Variants in WDR89 observed in about 807,000 individuals in gnomAD.
The protein encoded by WDR89 is WD repeat-containing protein 89.
A neutral mutation model predicts 29.1 loss-of-function variants in WDR89; 17 were observed. The observed-to-expected ratio is 0.58, with a 90% CI of 0.40 to 0.88. The LOEUF (loss-of-function observed/expected upper bound fraction) is 0.88. WDR89 is among the 40% of genes least tolerant of loss of function. WDR89 has a pLI of 0.00. For synonymous variants in WDR89, 138 were observed against 157.8 expected, an observed-to-expected ratio of 0.87 and a Z score of 0.94; for missense variants, 396 against 456.3, an observed-to-expected ratio of 0.87 and a Z score of 1.20.
chr14:63,599,837 G>A lies in WDR89; in HGVS notation c.106C>T (p.Gln36Ter), dbSNP rs749824511. 5.0e-6 allele frequency: 8 copies of A among 1,613,902 alleles called. No individual in the cohort carries two copies. Among genetic ancestry groups the A allele is most frequent in the African/African-American group, 4.0e-5 (3 of 74,866 alleles). Residue 36 changes from glutamine (Q) to a stop codon, truncating the protein, a stop_gained, in exon 3 of 3, where the codon CAA becomes TAA. Transcript: ENST00000620954. LOFTEE classifies it high-confidence loss of function. ...GCAACCAAGTTTTCCTTTCCTGCTT[G>A]GACAGTCTTTGATGTGTCTATACCA... ...LLGIDTSKTV[Q>*]AGKENLVAVL...
chr14:63,628,558 G>T (rs970917067), intron 1 of WDR89, among the ~76,000 whole-genome samples: 2 of 152,196 alleles, frequency 1.3e-5, no homozygotes, highest in Non-Finnish European at 2.9e-5. Context: ...CCCTAGAGAT[G>T]TAACATTTGG....
At chr14:63,626,676 CAAAAAAAAAA>C (rs35582220) in intron 1 of WDR89, among the ~76,000 whole-genome samples, 15 of 34,584 alleles carry the variant, frequency 4.3e-4, no homozygotes, top group East Asian at 1.5e-3. Context: ...GAGACTGTCT[CAAAAAAAAAA>C]AAAAAAAAAA....
At chr14:63,623,975 A>G (rs1882875660) in intron 2 of WDR89, among the ~76,000 whole-genome samples, 1 of 152,142 alleles carries the variant, frequency 6.6e-6, no homozygotes, top group African/African-American at 2.4e-5. Flanking sequence ...GACAAATGAG[A>G]AGTCAGAACA....
intron 1 of WDR89, among the ~76,000 whole-genome samples, chr14:63,626,924 G>C (rs1436517856): frequency 2.0e-5 from 3 of 151,840 alleles, no homozygotes; most frequent in African/African-American, 7.3e-5. Flanking sequence ...TCTGAGACCA[G>C]CCTGGGTATC....
intron 2 of WDR89, among the ~76,000 whole-genome samples, chr14:63,605,483 G>A (rs1424689504): frequency 1.3e-5 from 2 of 149,418 alleles, no homozygotes; most frequent in African/African-American, 2.5e-5. Context: ...TTTTTGAGAC[G>A]GAGTTTCGCT....
chr14:63,624,480 C>A, intron 2 of WDR89, among the ~76,000 whole-genome samples: 1 of 145,138 alleles, frequency 6.9e-6, no homozygotes. Flanking sequence ...AAAAAAAAAC[C>A]ACAACAAAAC....
chr14:63,605,292 C>T (rs1895271321), intron 2 of WDR89, among the ~76,000 whole-genome samples: 1 of 151,650 alleles, frequency 6.6e-6, no homozygotes, highest in African/African-American at 2.4e-5. Context: ...AAATTCATGG[C>T]ACAATGCATT....
At chr14:63,634,589 G>C (rs1883612419) in intron 1 of WDR89, among the ~76,000 whole-genome samples, 2 of 152,026 alleles carry the variant, frequency 1.3e-5, no homozygotes, top group Non-Finnish European at 2.9e-5. Context: ...AAAAAACAAG[G>C]CTGAGCACAG....
At chr14:63,606,825 T>C (rs910235847) in intron 2 of WDR89, among the ~76,000 whole-genome samples, 1 of 152,200 alleles carries the variant, frequency 6.6e-6, no homozygotes, top group Non-Finnish European at 1.5e-5. Context: ...ACAAAGGAAA[T>C]TGAAGCTCAG....
intron 1 of WDR89, among the ~76,000 whole-genome samples, chr14:63,639,268 C>T (rs1883938649): frequency 6.6e-6 from 1 of 151,204 alleles, no homozygotes; most frequent in Non-Finnish European, 1.5e-5. Context: ...GCCAGTAATG[C>T]CAGAACTTTG....
chr14:63,600,864 A>G (rs1408006596), intron 2 of WDR89, among the ~76,000 whole-genome samples: 1 of 152,132 alleles, frequency 6.6e-6, no homozygotes, highest in Non-Finnish European at 1.5e-5. Flanking sequence ...AGCCTAATAT[A>G]AGGCTAACCT....
At chr14:63,626,037 A>G (rs1883018572) in intron 1 of WDR89, among the ~76,000 whole-genome samples, 1 of 152,010 alleles carries the variant, frequency 6.6e-6, no homozygotes, top group South Asian at 2.1e-4. Context: ...TATCTTTAGT[A>G]GAGATGGGGT....
chr14:63,639,555 G>A (rs138371241), intron 1 of WDR89, among the ~76,000 whole-genome samples: 1,786 of 152,144 alleles, frequency 0.012, 17 homozygotes, highest in Non-Finnish European at 0.021. Context: ...ACACCCTTTT[G>A]ACAGTTTGGC....
rs56984803 is a variant in WDR89 at position 63,610,219 on chromosome 14, TAA to T, written c.-31-10248_-31-10247del. ...GGGGCGACAGAGTAAGACTCTGTCT[TAA>T]AAAAAAAAAAAAAAAAAAAAAAACT... On this transcript the variant is annotated intron_variant, in intron 2 of 2. Coordinates refer to ENST00000620954, the MANE Select transcript of WDR89 (RefSeq NM_080666.4). Among the ~76,000 whole-genome samples, 591 of 65,300 alleles carry T rather than the reference TAA, an allele frequency of 9.1e-3. 6 individuals are homozygous for T. Among genetic ancestry groups the T allele is most frequent in the African/African-American group, 0.037 (511 of 13,926 alleles). The allele number at this position is 65,300 out of a possible 152,430, so 42.8% of individuals were successfully genotyped here.
At chr14:63,629,107 C>T (rs1045496623) in intron 1 of WDR89, among the ~76,000 whole-genome samples, 1 of 152,064 alleles carries the variant, frequency 6.6e-6, no homozygotes, top group African/African-American at 2.4e-5. Context: ...CCACTGCAAC[C>T]CAAGCTTAGT....
At chr14:63,630,923 T>G (rs531273879) in intron 1 of WDR89, 258 of 152,156 alleles carry the variant, frequency 1.7e-3, no homozygotes, top group African/African-American at 5.9e-3. Context: ...CTACAGGTGA[T>G]GCCACCATGC....
intron 2 of WDR89, among the ~76,000 whole-genome samples, chr14:63,610,585 C>A (rs543226927): frequency 1.3e-5 from 2 of 152,026 alleles, no homozygotes; most frequent in African/African-American, 2.4e-5. Context: ...CATGAACCCC[C>A]GGTATGATGT....
At chr14:63,631,862 A>G (rs1385261273) in intron 1 of WDR89, among the ~76,000 whole-genome samples, 4 of 152,230 alleles carry the variant, frequency 2.6e-5, no homozygotes, top group Non-Finnish European at 5.9e-5. Flanking sequence ...CTGTAATCCC[A>G]GCACTTTGGG....
At chr14:63,638,670 T>C (rs760616363) in intron 1 of WDR89, among the ~76,000 whole-genome samples, 11 of 152,240 alleles carry the variant, frequency 7.2e-5, no homozygotes, top group Non-Finnish European at 1.6e-4. Flanking sequence ...ATTAAAGATA[T>C]TCCAGTGGAA....
Sources: allele counts gnomAD v4.1 joint callset (sites outside exome capture counted in the v4.1 genomes callset), GRCh38; gene constraint gnomAD v4.1.1; transcripts MANE v1.5; gene names NCBI Gene and HGNC (gene_info 2026-07-23, HGNC 2026-07-21).